The following HSF2BP variants were observed in gnomAD, a reference collection of about 807,000 sequenced individuals.
The protein encoded by HSF2BP is heat shock factor 2-binding protein.
A neutral mutation model predicts 35.0 loss-of-function variants in HSF2BP; 35 were observed. That is an observed-to-expected ratio of 1.00 (90% CI 0.76 to 1.32). HSF2BP has a LOEUF of 1.32. Among genes scored for constraint, HSF2BP ranks in the 40% most tolerant of loss-of-function variants. The probability of loss-of-function intolerance (pLI) is 0.00; values close to 1 mark genes in which losing one functional copy is unlikely to be tolerated. For missense variants in HSF2BP, 326 were observed against 321.7 expected (o/e 1.01, Z -0.10); for synonymous variants, 114 against 117.4 (o/e 0.97, Z 0.18).
At chr21:43,590,959 T>C (rs59298188) in intron 8 of HSF2BP, among the ~76,000 whole-genome samples, 8,759 of 152,234 alleles carry the variant, frequency 0.058, 851 homozygotes, top group African/African-American at 0.2. Flanking sequence ...TTTATATCAA[T>C]ACTTATCAAT....
rs547539479 is a variant in HSF2BP at position 43,623,800 on chromosome 21, A to T, written c.574+6522T>A. Among the ~76,000 whole-genome samples the T allele has an allele frequency of 5.9e-5, 9 of 152,266 alleles. No individual in the cohort carries two copies. The South Asian group carries it at 1.2e-3, about 21-fold the overall frequency. ...GATTCAACAGGTGATTCCGCAAAAA[A>T]AAGACGAAAAAATAATGTTGATCAG... On this transcript the variant is annotated intron_variant, in intron 6 of 8. Coordinates refer to ENST00000291560, the MANE Select transcript of HSF2BP (RefSeq NM_007031.2).
intron 7 of HSF2BP, among the ~76,000 whole-genome samples, chr21:43,605,497 C>A (rs1298604675): frequency 4.8e-5 from 7 of 146,892 alleles, no homozygotes; most frequent in African/African-American, 7.6e-5. Flanking sequence ...ACACACACAC[C>A]CACACATATC....
chr21:43,626,890 C>T (rs1371127602), intron 6 of HSF2BP, among the ~76,000 whole-genome samples: 1 of 150,146 alleles, frequency 6.7e-6, no homozygotes, highest in African/African-American at 2.5e-5. Flanking sequence ...TTTTAAGAGA[C>T]GGAGTCTTGC....
intron 6 of HSF2BP, among the ~76,000 whole-genome samples, chr21:43,629,147 T>A (rs991802584): frequency 2.6e-5 from 4 of 152,034 alleles, no homozygotes; most frequent in South Asian, 2.1e-4. Context: ...TCAAGTCCTA[T>A]TTTTTTTAAG....
rs968294615 is a variant in HSF2BP at position 43,656,692 on chromosome 21, G to A, written c.82C>T (p.Leu28=). The change falls in exon 3 of 9, where the codon CTG becomes TTG. Residue 28 remains leucine (L), a synonymous_variant. Coordinates refer to ENST00000291560, the MANE Select transcript of HSF2BP (RefSeq NM_007031.2). ...EEFVKVRKKD[L]ERLTTEVMQI... ...ATCACTTCAGTTGTCAGCCGTTCCA[G>A]ATCCTTCTTTCTGACTTTAACAAAT... 3.7e-6 allele frequency: 6 copies of A among 1,613,792 alleles called. No homozygotes were observed. Among genetic ancestry groups the A allele is most frequent in the Non-Finnish European group, 5.1e-6 (6 of 1,179,932 alleles).
chr21:43,467,970 A>T, the HSF2BP span, among the ~76,000 whole-genome samples: 1 of 102,016 alleles, frequency 9.8e-6, no homozygotes, highest in African/African-American at 4.3e-5. Context: ...TACACCACAC[A>T]CACACCACAC....
intron 8 of HSF2BP, 52 bp downstream of exon 8, chr21:43,592,173 G>A (rs974927499): frequency 2.5e-6 from 3 of 1,194,202 alleles, no homozygotes; most frequent in African/African-American, 3.0e-5. Flanking sequence ...GGATAAGGGA[G>A]GACTACTGCA....
At chr21:43,501,397 C>CTTTT in the HSF2BP span, among the ~76,000 whole-genome samples, 2 of 65,228 alleles carry the variant, frequency 3.1e-5, no homozygotes, top group African/African-American at 9.4e-5. Flanking sequence ...CTGTAGCTGT[C>CTTTT]TTTTTTTTTT....
chr21:43,632,314 TCC>T (rs1411076121), intron 5 of HSF2BP, among the ~76,000 whole-genome samples: 2 of 33,776 alleles, frequency 5.9e-5, no homozygotes, highest in African/African-American at 2.4e-4. Context: ...ACACACACGC[TCC>T]CACACACACA....
intron 8 of HSF2BP, among the ~76,000 whole-genome samples, chr21:43,584,044 C>A (rs188823106): frequency 8.0e-6 from 1 of 125,608 alleles, no homozygotes; most frequent in South Asian, 2.8e-4. Context: ...GAGATGAGGA[C>A]CTGCCGAAGG....
At chr21:43,657,987 C>G in intron 2 of HSF2BP, 74 bp downstream of exon 2, 1 of 1,529,828 alleles carries the variant, frequency 6.5e-7, no homozygotes, top group Non-Finnish European at 8.7e-7. Context: ...TCCGAGCGCA[C>G]GGGGCGAGGC....
At chr21:43,595,726 A>ATTT (rs770855952) in intron 7 of HSF2BP, among the ~76,000 whole-genome samples, 640 of 58,448 alleles carry the variant, frequency 0.011, 101 homozygotes, top group Middle Eastern at 0.075. Flanking sequence ...TAAGAGGCTA[A>ATTT]TTTTTTTTTT....
In HSF2BP at chr21:43,656,725, T is replaced by C. The variant is rs376508734; in HGVS notation, c.49A>G (p.Lys17Glu). Residue 17 changes from lysine (K) to glutamate (E), a missense_variant, in exon 3 of 9, where the codon AAA becomes GAA. By Grantham distance (56) the Lys-to-Glu change is moderately conservative. Transcript: ENST00000291560. ...TTTCTGACTTTAACAAATTCCTCTT[T>C]AGTTCCCATGTGCTAAAAGAACAAG... The part of the protein sequence containing the change: ...AEEACRHMGT[K>E]EEFVKVRKKD... The C allele has an allele frequency of 2.3e-4, 375 of 1,612,818 alleles. 2 individuals carry two copies. In the South Asian group the frequency reaches 2.4e-3, roughly 10 times the overall value.
intron 4 of HSF2BP, among the ~76,000 whole-genome samples, 171 bp downstream of exon 4, chr21:43,644,118 A>G (rs1033459253): frequency 3.9e-5 from 6 of 152,234 alleles, no homozygotes; most frequent in Non-Finnish European, 7.3e-5. Context: ...AAATGGTTAT[A>G]AAATCCATCT....
chr21:43,656,313 A>T (rs1568947405), intron 3 of HSF2BP, among the ~76,000 whole-genome samples: 1 of 152,244 alleles, frequency 6.6e-6, no homozygotes, highest in Admixed American at 6.5e-5. Context: ...CTTTTCAGTT[A>T]TCAAAAGTAT....
intron 6 of HSF2BP, among the ~76,000 whole-genome samples, chr21:43,615,927 C>T (rs1160228948): frequency 6.6e-6 from 1 of 151,860 alleles, no homozygotes; most frequent in African/African-American, 2.4e-5. Flanking sequence ...ACTGTCCCTG[C>T]CAAACCTGAC....
At chr21:43,602,689 G>A (rs2082065820) in intron 7 of HSF2BP, among the ~76,000 whole-genome samples, 1 of 152,164 alleles carries the variant, frequency 6.6e-6, no homozygotes, top group Admixed American at 6.5e-5. Flanking sequence ...TCCCACACAT[G>A]CCAAATATTC....
Position 43,644,303 on chromosome 21 carries a change from T to C in HSF2BP, c.277A>G (p.Ile93Val), listed in dbSNP as rs757941137. The C allele has an allele frequency of 1.9e-6, 3 of 1,613,884 alleles. No homozygotes were observed. Among genetic ancestry groups the C allele is most frequent in the Admixed American group, 1.7e-5 (1 of 60,036 alleles). The change falls in exon 4 of 9, where the codon ATA (isoleucine) becomes GTA (valine). Residue 93 changes from isoleucine (I) to valine (V), a missense_variant. Transcript: ENST00000291560. ...GAGCATGGTACCTTCTTCTCTCTTATGTTGTCGGCCTGCACGGTTTCCAGG... is the reference window on the plus strand; with the variant it reads ...GAGCATGGTACCTTCTTCTCTCTTACGTTGTCGGCCTGCACGGTTTCCAGG... ...ARLETVQADN[I>V]REKKEKLALR...
At chr21:43,652,068 C>A (rs1320080629) in intron 3 of HSF2BP, among the ~76,000 whole-genome samples, 1 of 152,192 alleles carries the variant, frequency 6.6e-6, no homozygotes, top group Non-Finnish European at 1.5e-5. Flanking sequence ...CTACTCCTTC[C>A]CTGCCTGTAT....
Sources: allele counts gnomAD v4.1 joint callset (sites outside exome capture counted in the v4.1 genomes callset), GRCh38; gene constraint gnomAD v4.1.1; transcripts MANE v1.5; gene names NCBI Gene and HGNC (gene_info 2026-07-23, HGNC 2026-07-21).